The following GRID2 variants were observed in gnomAD, a reference collection of about 807,000 sequenced individuals.
GRID2 encodes the protein glutamate receptor ionotropic, delta-2.
Under a neutral mutation model 114.8 loss-of-function variants are expected in GRID2, and 33 were observed. That is an observed-to-expected ratio of 0.29 (90% confidence interval 0.22 to 0.38). The LOEUF is 0.38. Ranked by LOEUF, GRID2 falls within the 10% of genes least tolerant of loss-of-function variation. The pLI, the probability that GRID2 is intolerant of heterozygous loss-of-function variation, is 1.00. For synonymous variants in GRID2, 505 were observed against 449.9 expected (o/e 1.12, Z -1.55); for missense variants, 1,184 against 1,257.7 (o/e 0.94, Z 0.89).
At chr4:92,416,777 A>G (rs1731636885) in intron 1 of GRID2, among the ~76,000 whole-genome samples, 3 of 152,158 alleles carry the variant, frequency 2.0e-5, no homozygotes, top group Non-Finnish European at 4.4e-5. Flanking sequence ...CTATTTTTAT[A>G]CCAGTACCAT....
intron 2 of GRID2, among the ~76,000 whole-genome samples, chr4:92,816,725 C>T (rs1578230351): frequency 1.3e-5 from 2 of 152,224 alleles, no homozygotes; most frequent in East Asian, 3.9e-4. Context: ...GTTTACATAA[C>T]TCTTCTGGAA....
chr4:92,511,582 G>T (rs1724253406), intron 1 of GRID2, among the ~76,000 whole-genome samples: 1 of 151,822 alleles, frequency 6.6e-6, no homozygotes, highest in South Asian at 2.1e-4. Flanking sequence ...TTTCAAGTAT[G>T]ATGAAGACTG....
At chr4:93,504,898 G>A (rs1313283998) in intron 12 of GRID2, among the ~76,000 whole-genome samples, 1 of 152,038 alleles carries the variant, frequency 6.6e-6, no homozygotes, top group African/African-American at 2.4e-5. Context: ...ACAAAGAGAA[G>A]GCTAAAGGAG....
intron 14 of GRID2, among the ~76,000 whole-genome samples, chr4:93,749,980 C>T (rs1378490695): frequency 6.6e-6 from 1 of 152,188 alleles, no homozygotes; most frequent in Non-Finnish European, 1.5e-5. Context: ...GAGATAGGTG[C>T]TCAATAAATG....
intron 1 of GRID2, among the ~76,000 whole-genome samples, chr4:92,508,059 T>G (rs920877769): frequency 3.3e-5 from 5 of 151,994 alleles, no homozygotes; most frequent in African/African-American, 9.7e-5. Flanking sequence ...TTTTGCAGCA[T>G]CATATTTTAC....
chr4:93,164,831 A>T, intron 4 of GRID2: 1 of 353,470 alleles, frequency 2.8e-6, no homozygotes, highest in Non-Finnish European at 6.0e-6. Flanking sequence ...GAGTAAATAA[A>T]GTAAGCTTTG....
chr4:93,694,046 T>TA (rs1726799141), intron 14 of GRID2, among the ~76,000 whole-genome samples: 1 of 152,240 alleles, frequency 6.6e-6, no homozygotes, highest in Admixed American at 6.5e-5. Context: ...AGTCAAAAGG[T>TA]AGGAGAGTTT....
At chr4:92,587,117 TGTG>T (rs1728491288) in intron 1 of GRID2, among the ~76,000 whole-genome samples, 1 of 151,004 alleles carries the variant, frequency 6.6e-6, no homozygotes, top group Non-Finnish European at 1.5e-5. Flanking sequence ...TGTGTGTGTG[TGTG>T]TGTGTGTGTG....
In GRID2 at chr4:93,515,309, T is replaced by C. The variant is rs1379889456; in HGVS notation, c.2091T>C (p.Asn697=). ...VYEHVRMKGL[N]PFERDSMYSQ... ...AGCATGTCCGCATGAAAGGACTGAA[T>C]CCTTTTGAGAGGGACAGCATGTATT... The change falls in exon 13 of 16, where the codon AAT becomes AAC. Residue 697 remains asparagine (N), a synonymous_variant. Coordinates refer to ENST00000282020, the MANE Select transcript of GRID2 (RefSeq NM_001510.4). 6.2e-7 allele frequency: 1 copy of C among 1,611,036 alleles called. No individual in the cohort carries two copies. Among genetic ancestry groups the C allele is most frequent in the Non-Finnish European group, 8.5e-7 (1 of 1,177,376 alleles).
intron 2 of GRID2, among the ~76,000 whole-genome samples, chr4:92,668,943 G>C (rs577777245): frequency 6.6e-6 from 1 of 151,840 alleles, no homozygotes; most frequent in African/African-American, 2.4e-5. Flanking sequence ...CTTGGGAAAA[G>C]ATTTTAGCAT....
intron 2 of GRID2, among the ~76,000 whole-genome samples, chr4:92,743,133 C>T (rs1451949015): frequency 1.3e-5 from 2 of 152,044 alleles, no homozygotes; most frequent in South Asian, 2.1e-4. Context: ...AAAAATTACC[C>T]TGGTATGATA....
chr4:93,110,893 C>A lies in GRID2; in HGVS notation c.675C>A (p.Asp225Glu). ...MRIEELNRYR[D>E]TLRRAILVMN... ...TAGAAGAACTGAATCGCTATCGAGA[C>A]ACTCTTAGGCGAGCGATCCTTGTTA... The change falls in exon 4 of 16, where the codon GAC becomes GAA. Residue 225 changes from aspartate to glutamate, a missense_variant. Asp to Glu is a conservative substitution (Grantham distance 45). Coordinates refer to ENST00000282020, the MANE Select transcript of GRID2 (RefSeq NM_001510.4). 1 of 1,612,918 alleles carries A rather than the reference C, an allele frequency of 6.2e-7. No individual in the cohort carries two copies.
chr4:93,595,086 C>A (rs1738934000), intron 13 of GRID2, among the ~76,000 whole-genome samples: 1 of 152,088 alleles, frequency 6.6e-6, no homozygotes, highest in African/African-American at 2.4e-5. Flanking sequence ...CCCTCCACTC[C>A]CCTGCTTTTT....
rs529248585 is a variant in GRID2, at chr4:93,375,841, C to T, written c.1246-19766C>T. 7.2e-5 allele frequency among the ~76,000 whole-genome samples: 11 copies of T among 152,272 alleles called. No homozygotes were observed. In the South Asian group the frequency reaches 2.3e-3, roughly 32 times the overall value. On this transcript the variant is annotated intron_variant, in intron 8 of 15. Coordinates refer to ENST00000282020, the MANE Select transcript of GRID2 (RefSeq NM_001510.4). ...GTAAAACATGAACATTTGGCCATCACTAATTATATTAGTTTGTAGAGGCTA... is the reference window on the plus strand; with the variant it reads ...GTAAAACATGAACATTTGGCCATCATTAATTATATTAGTTTGTAGAGGCTA...
intron 2 of GRID2, among the ~76,000 whole-genome samples, chr4:93,049,720 C>T (rs1476460430): frequency 6.6e-6 from 1 of 151,536 alleles, no homozygotes; most frequent in East Asian, 1.9e-4. Flanking sequence ...ATTTTTCTTC[C>T]AATTTTTTTT....
chr4:92,327,444 G>A (rs1415678962), intron 1 of GRID2, among the ~76,000 whole-genome samples: 1 of 151,814 alleles, frequency 6.6e-6, no homozygotes, highest in Non-Finnish European at 1.5e-5. Context: ...ATTTTAGAGT[G>A]TACCACATGG....
chr4:93,249,880 C>A (rs187008006), intron 8 of GRID2, among the ~76,000 whole-genome samples: 7 of 152,042 alleles, frequency 4.6e-5, no homozygotes, highest in Non-Finnish European at 1.0e-4. Flanking sequence ...AATAGGAATG[C>A]TTTTACACTG....
intron 1 of GRID2, among the ~76,000 whole-genome samples, chr4:92,541,190 G>A (rs1044724427): frequency 6.6e-6 from 1 of 152,032 alleles, no homozygotes; most frequent in South Asian, 2.1e-4. Flanking sequence ...TATATCTAAT[G>A]TTAAATGACG....
At chr4:93,413,297 T>C (rs751722701) in intron 9 of GRID2, among the ~76,000 whole-genome samples, 1 of 152,192 alleles carries the variant, frequency 6.6e-6, no homozygotes, top group Non-Finnish European at 1.5e-5. Flanking sequence ...TTCTGACTGG[T>C]GTGAGATAAT....
Sources: allele counts gnomAD v4.1 joint callset (sites outside exome capture counted in the v4.1 genomes callset), GRCh38; gene constraint gnomAD v4.1.1; transcripts MANE v1.5; gene names NCBI Gene and HGNC (gene_info 2026-07-23, HGNC 2026-07-21).